The following KIAA0319 variants were observed in gnomAD, a reference collection of about 807,000 sequenced individuals.
KIAA0319 encodes the protein KIAA0319.
In KIAA0319, 83 loss-of-function variants were observed where a neutral mutation model predicts 108.4. The observed-to-expected ratio is 0.77, with a 90% CI of 0.64 to 0.92. The LOEUF (loss-of-function observed/expected upper bound fraction) is 0.92. Among genes scored for constraint, KIAA0319 ranks in the 40% least tolerant of loss-of-function variants. The probability of loss-of-function intolerance (pLI) is 0.00; values close to 1 mark genes in which losing one functional copy is unlikely to be tolerated. For missense variants in KIAA0319, 1,195 were observed against 1,322.4 expected (o/e 0.90, Z 1.49); for synonymous variants, 484 against 510.4 (o/e 0.95, Z 0.70).
chr6:24,597,884 C>T (rs202083015), intron 2 of KIAA0319: 37 of 138,140 alleles, frequency 2.7e-4, no homozygotes, highest in Middle Eastern at 3.8e-3. Flanking sequence ...CACCACTGCA[C>T]TCCAGCCTGG....
intron 16 of KIAA0319, among the ~76,000 whole-genome samples, chr6:24,562,469 A>T (rs958199686): frequency 6.6e-6 from 1 of 152,198 alleles, no homozygotes; most frequent in Non-Finnish European, 1.5e-5. Flanking sequence ...AAATGGAGTT[A>T]CTGTGAATAG....
At chr6:24,542,496 G>A (rs753135108), downstream of KIAA0319, among the ~76,000 whole-genome samples, 9 of 152,216 alleles carry the variant, frequency 5.9e-5, no homozygotes, top group Non-Finnish European at 1.2e-4. Flanking sequence ...TTGGGAGGCA[G>A]AGGGAGGTGG....
At chr6:24,573,355 T>C (rs1765003602) in intron 10 of KIAA0319, among the ~76,000 whole-genome samples, 1 of 151,526 alleles carries the variant, frequency 6.6e-6, no homozygotes, top group Non-Finnish European at 1.5e-5. Flanking sequence ...CAGCAAAACA[T>C]GGAAACAATC....
chr6:24,569,033 A>T (rs1764296017), intron 12 of KIAA0319, 104 bp from the exon 13 acceptor site: 1 of 1,148,998 alleles, frequency 8.7e-7, no homozygotes, highest in African/African-American at 1.5e-5. Context: ...CAGCTATAAT[A>T]TATACCATTT....
At chr6:24,618,407 G>C (rs1773458713) in intron 1 of KIAA0319, among the ~76,000 whole-genome samples, 3 of 152,154 alleles carry the variant, frequency 2.0e-5, no homozygotes, top group South Asian at 4.1e-4. Flanking sequence ...CCAGGAGTTT[G>C]AGACCAGCCT....
At position 24,596,417 on chromosome 6, in the gene KIAA0319, T is replaced by G; in HGVS notation, c.257A>C (p.Glu86Ala). 6.2e-7 allele frequency: 1 copy of G among 1,614,210 alleles called. No individual in the cohort carries two copies. Among genetic ancestry groups the G allele is most frequent in the Non-Finnish European group, 8.5e-7 (1 of 1,180,034 alleles). ...RCYLVSCPHK[E>A]NCEPKKMGPI... ...GCCCATCTTCTTGGGCTCACAGTTCTCTTTGTGGGGGCAGCTCACCAGGTA... is the reference window on the plus strand; with the variant it reads ...GCCCATCTTCTTGGGCTCACAGTTCGCTTTGTGGGGGCAGCTCACCAGGTA... Residue 86 changes from glutamate (E) to alanine (A), a missense_variant, in exon 3 of 21, where the codon GAG becomes GCG. Physicochemically the swap from Glu to Ala is moderately radical, Grantham distance 107. Coordinates refer to ENST00000378214, the MANE Select transcript of KIAA0319 (RefSeq NM_014809.4).
At position 24,588,652 on chromosome 6, in the gene KIAA0319, G is replaced by T; in HGVS notation, c.935C>A (p.Ala312Asp). The change falls in exon 4 of 21, where the codon GCC becomes GAC. Residue 312 changes from alanine (A) to aspartate (D), a missense_variant. Physicochemically the swap from Ala to Asp is moderately radical, Grantham distance 126. Coordinates refer to ENST00000378214, the MANE Select transcript of KIAA0319 (RefSeq NM_014809.4). ...HSIPTPPTSA[A>D]PSESTPSELP... ...CTCAGATGGGGTGGACTCAGAGGGG[G>T]CTGCGCTAGTGGGAGGTGTTGGGAT... 1 of 1,613,990 alleles carries T rather than the reference G, an allele frequency of 6.2e-7. No individual in the cohort carries two copies. The highest frequency in any genetic ancestry group is 1.1e-5 in the South Asian group (1 of 91,072).
intron 13 of KIAA0319, among the ~76,000 whole-genome samples, chr6:24,568,383 C>T (rs1764191447): frequency 6.6e-6 from 1 of 152,122 alleles, no homozygotes; most frequent in East Asian, 1.9e-4. Flanking sequence ...GAGACAAGTA[C>T]CTAAAGCAGT....
chr6:24,638,437 G>C (rs1776482998), intron 1 of KIAA0319, among the ~76,000 whole-genome samples: 2 of 152,136 alleles, frequency 1.3e-5, no homozygotes, highest in African/African-American at 4.8e-5. Context: ...GACATCTCCT[G>C]ATGGCTTCAA....
At chr6:24,547,734 G>T (rs1316613174) in intron 20 of KIAA0319, among the ~76,000 whole-genome samples, 1 of 152,194 alleles carries the variant, frequency 6.6e-6, no homozygotes, top group Non-Finnish European at 1.5e-5. Flanking sequence ...TCCAACAAAC[G>T]AAAGCTTCTG....
intron 1 of KIAA0319, among the ~76,000 whole-genome samples, chr6:24,624,614 T>C (rs1279676975): frequency 6.6e-6 from 1 of 152,210 alleles, no homozygotes; most frequent in African/African-American, 2.4e-5. Context: ...AACCTTGTGC[T>C]GGGACCTTGA....
intron 1 of KIAA0319, among the ~76,000 whole-genome samples, chr6:24,628,412 G>T (rs1348535358): frequency 1.3e-5 from 2 of 152,168 alleles, no homozygotes; most frequent in Non-Finnish European, 2.9e-5. Context: ...AGACACACTT[G>T]TAAGTTTTAA....
At chr6:24,564,385 C>T (rs768574063) in intron 14 of KIAA0319, 45 bp from the exon 15 acceptor site, 57 of 1,610,650 alleles carry the variant, frequency 3.5e-5, no homozygotes, top group Admixed American at 1.0e-4. Flanking sequence ...ATCCTCGGGT[C>T]CCAATTTCTG....
chr6:24,576,392 A>G lies in KIAA0319; in HGVS notation c.1710T>C (p.Ser570=). Residue 570 remains serine (S), a synonymous_variant, in exon 10 of 21, where the codon AGT becomes AGC. Coordinates refer to ENST00000378214, the MANE Select transcript of KIAA0319 (RefSeq NM_014809.4). ...VLYEWSLGPG[S]EGKHVVMQGV... is the part of the protein sequence containing the mutation. ...CCTGCATGACCACATGTTTGCCCTC[A>G]CTCCCAGGACCCAGGGACCACTCAT... 1.2e-6 allele frequency: 2 copies of G among 1,614,016 alleles called. No homozygotes were observed. Among genetic ancestry groups the G allele is most frequent in the South Asian group, 2.2e-5 (2 of 91,066 alleles).
At position 24,566,691 on chromosome 6, in the gene KIAA0319, T is replaced by C. The variant is rs2127451388; in HGVS notation, c.2198A>G (p.Asn733Ser). The C allele has an allele frequency of 1.2e-6, 2 of 1,613,624 alleles. No individual in the cohort carries two copies. The highest frequency in any genetic ancestry group is 8.5e-7 in the Non-Finnish European group (1 of 1,179,734). ...AGGRHVLVLP[N>S]NSITLDGSRS... ...TGAACCATCCAAAGTAATGGAATTA[T>C]TGGGAAGCACAAGAACATGTCTGCC... Residue 733 changes from asparagine to serine, a missense_variant, in exon 14 of 21, where the codon AAT becomes AGT. By Grantham distance (46) the Asn-to-Ser change is conservative. Coordinates refer to ENST00000378214, the MANE Select transcript of KIAA0319 (RefSeq NM_014809.4).
Position 24,547,275 on chromosome 6 carries a change from G to A in KIAA0319, c.3109C>T (p.Gln1037Ter), listed in dbSNP as rs1253786963. The stretch of plus-strand genomic sequence containing the variant: ...TTTTCTCGGCTGAAGATTGTGTCCT[G>A]GTCACTGTCAAACTCAGACTCGGAT... ...MVSESEFDSD[Q>*]DTIFSREKME... is the part of the protein sequence containing the mutation. The change falls in exon 21 of 21, where the codon CAG becomes TAG. Residue 1037 changes from glutamine (Q) to a stop codon, truncating the protein, a stop_gained. Transcript: ENST00000378214. LOFTEE classifies it low-confidence loss of function (END_TRUNC). The A allele has an allele frequency of 1.2e-6, 2 of 1,614,096 alleles. No individual in the cohort carries two copies. Among genetic ancestry groups the A allele is most frequent in the Admixed American group, 1.7e-5 (1 of 60,020 alleles).
chr6:24,606,373 T>C (rs891470722), intron 1 of KIAA0319, among the ~76,000 whole-genome samples: 1 of 152,154 alleles, frequency 6.6e-6, no homozygotes, highest in African/African-American at 2.4e-5. Flanking sequence ...TTCCCTTCTT[T>C]GGGTGACGGT....
At chr6:24,640,316 C>A (rs1473344413) in intron 1 of KIAA0319, among the ~76,000 whole-genome samples, 1 of 152,098 alleles carries the variant, frequency 6.6e-6, no homozygotes, top group Non-Finnish European at 1.5e-5. Flanking sequence ...ATTAGGGAAG[C>A]CTTCAACAAC....
chr6:24,588,773 A>G lies in KIAA0319; in HGVS notation c.814T>C (p.Ser272Pro), dbSNP rs752136959. The G allele has an allele frequency of 3.1e-6, 5 of 1,613,812 alleles. No individual in the cohort carries two copies. The highest frequency in any genetic ancestry group is 4.2e-6 in the Non-Finnish European group (5 of 1,179,842). Residue 272 changes from serine (S) to proline (P), a missense_variant, in exon 4 of 21, where the codon TCC (serine) becomes CCC (proline). By Grantham distance (74) the Ser-to-Pro change is moderately conservative. Transcript: ENST00000378214. ...AGGCTTGCCGGAGGAAGACTATGGG[A>G]AGGCATTAGAACCTACGAGATCAAT... Reference protein sequence around the residue: ...NSSGKEVLMPSHSLPPASLEL... With the variant: ...NSSGKEVLMPPHSLPPASLEL...
Sources: allele counts gnomAD v4.1 joint callset (sites outside exome capture counted in the v4.1 genomes callset), GRCh38; gene constraint gnomAD v4.1.1; transcripts MANE v1.5; gene names NCBI Gene and HGNC (gene_info 2026-07-23, HGNC 2026-07-21).